The following KCNH8 variants were observed in gnomAD, a reference collection of about 807,000 sequenced individuals.
The protein encoded by KCNH8 is voltage-gated delayed rectifier potassium channel KCNH8.
In KCNH8, 70 loss-of-function variants were observed where a neutral mutation model predicts 103.6. The ratio of observed to expected loss-of-function variants is 0.68; its 90% confidence interval spans 0.56 to 0.82. The LOEUF is 0.82. KCNH8 is among the 40% of genes least tolerant of loss of function. The probability of loss-of-function intolerance (pLI) is 0.00; values close to 1 mark genes in which losing one functional copy is unlikely to be tolerated. For missense variants in KCNH8, 1,217 were observed against 1,329.9 expected (o/e 0.92, Z 1.32); for synonymous variants, 498 against 489.4 (o/e 1.02, Z -0.23).
intron 2 of KCNH8, among the ~76,000 whole-genome samples, chr3:19,273,000 C>CTGAA (rs1258750052): frequency 6.6e-6 from 1 of 152,142 alleles, no homozygotes; most frequent in African/African-American, 2.4e-5. Context: ...TAAATATCCA[C>CTGAA]TGAATGAATG....
intron 9 of KCNH8, 53 bp from the exon 10 acceptor site, chr3:19,451,102 C>T: frequency 6.3e-7 from 1 of 1,582,266 alleles, no homozygotes; most frequent in East Asian, 2.2e-5. Flanking sequence ...CAAAGTAAAT[C>T]AGTTAGACTA....
At chr3:19,426,799 C>G (rs569285661) in intron 7 of KCNH8, among the ~76,000 whole-genome samples, 2 of 152,090 alleles carry the variant, frequency 1.3e-5, no homozygotes, top group Non-Finnish European at 2.9e-5. Flanking sequence ...ACTTTTGAAT[C>G]AAAAATATCA....
chr3:19,454,188 G>A (rs2067495129), intron 10 of KCNH8, among the ~76,000 whole-genome samples: 1 of 134,778 alleles, frequency 7.4e-6, no homozygotes, highest in South Asian at 2.3e-4. Flanking sequence ...GTGTGTGTGT[G>A]TGTGTGTGTT....
At chr3:19,206,396 A>C (rs79284494) in intron 1 of KCNH8, among the ~76,000 whole-genome samples, 6,126 of 151,660 alleles carry the variant, frequency 0.04, 443 homozygotes, top group African/African-American at 0.14. Context: ...CAAAAGCATA[A>C]GGGGAAAGGC....
At chr3:19,150,046 C>T (rs1267397269) in intron 1 of KCNH8, among the ~76,000 whole-genome samples, 1 of 152,206 alleles carries the variant, frequency 6.6e-6, no homozygotes, top group Non-Finnish European at 1.5e-5. Context: ...CTAGTCTAAT[C>T]ATGGTAGTTG....
chr3:19,470,974 G>A (rs2067844123), intron 11 of KCNH8, among the ~76,000 whole-genome samples: 2 of 152,112 alleles, frequency 1.3e-5, no homozygotes, highest in African/African-American at 2.4e-5. Context: ...CAAAGAGCAC[G>A]ACATATACCC....
intron 10 of KCNH8, 36 bp from the exon 11 acceptor site, chr3:19,456,729 CTTT>C: frequency 9.0e-7 from 1 of 1,107,830 alleles, no homozygotes; most frequent in Non-Finnish European, 1.3e-6. Context: ...CCTAAGCTTG[CTTT>C]TTTTTTTTGA....
At chr3:19,482,038 G>C (rs2068096300) in intron 11 of KCNH8, among the ~76,000 whole-genome samples, 1 of 152,130 alleles carries the variant, frequency 6.6e-6, no homozygotes, top group South Asian at 2.1e-4. Context: ...AGCAATTCTT[G>C]TCCCTTTTAA....
At position 19,296,720 on chromosome 3, in the gene KCNH8, A is replaced by G. The variant is rs542057730; in HGVS notation, c.442+15391A>G. 1.5e-3 allele frequency among the ~76,000 whole-genome samples: 226 copies of G among 152,310 alleles called. 1 individual carries two copies. The highest frequency in any genetic ancestry group is 5.2e-3 in the African/African-American group (215 of 41,564). On this transcript the variant is annotated intron_variant, in intron 3 of 15. Coordinates refer to ENST00000328405, the MANE Select transcript of KCNH8 (RefSeq NM_144633.3). ...AAAGGGTGGGAAGAGAGTGAGGGATAAAAGACTACAAATTGGGTTCAGTGT... is the reference window on the plus strand; with the variant it reads ...AAAGGGTGGGAAGAGAGTGAGGGATGAAAGACTACAAATTGGGTTCAGTGT...
chr3:19,192,450 A>G (rs960653562), intron 1 of KCNH8, among the ~76,000 whole-genome samples: 5 of 151,498 alleles, frequency 3.3e-5, no homozygotes, highest in Non-Finnish European at 7.4e-5. Context: ...TTATCTTGGG[A>G]TTGTTTAAGG....
rs79071613 is a variant in KCNH8, at chr3:19,419,742, C to T, written c.1178-18422C>T. On this transcript the variant is annotated intron_variant, in intron 7 of 15. Transcript: ENST00000328405. ...TTTTAAAAAATGGTGGATTCACATCCTACTATATTTATCCATACTCCTATC... is the reference window on the plus strand; with the variant it reads ...TTTTAAAAAATGGTGGATTCACATCTTACTATATTTATCCATACTCCTATC... 3.4e-3 allele frequency among the ~76,000 whole-genome samples: 514 copies of T among 151,788 alleles called. 10 individuals are homozygous for T. The highest frequency in any genetic ancestry group is 0.027 in the Admixed American group (418 of 15,242).
intron 1 of KCNH8, among the ~76,000 whole-genome samples, chr3:19,149,682 A>C (rs536455147): frequency 2.6e-5 from 4 of 152,244 alleles, no homozygotes; most frequent in African/African-American, 9.6e-5. Flanking sequence ...AGGAGTCTGT[A>C]CTACCACCCC....
intron 1 of KCNH8, among the ~76,000 whole-genome samples, chr3:19,206,168 G>GTGTGTGTGTGTGTGTGTATA (rs979868166): frequency 1.7e-4 from 23 of 139,260 alleles, no homozygotes; most frequent in African/African-American, 6.3e-4. Context: ...TGGTGTGTGT[G>GTGTGTGTGTGTGTGTGTATA]TATATATATA....
chr3:19,532,933 C>T (rs78793008), intron 15 of KCNH8, among the ~76,000 whole-genome samples: 13,108 of 152,048 alleles, frequency 0.086, 1,284 homozygotes, highest in East Asian at 0.26. Flanking sequence ...ATTTCTTTTT[C>T]ATGGCTCACG....
At chr3:19,487,385 C>T (rs531668672) in intron 11 of KCNH8, among the ~76,000 whole-genome samples, 2 of 152,224 alleles carry the variant, frequency 1.3e-5, no homozygotes, top group African/African-American at 4.8e-5. Context: ...CTGCACTGGC[C>T]GGTAGTCCTT....
chr3:19,227,152 G>A lies in KCNH8; in HGVS notation c.77-26502G>A, dbSNP rs540673591. On this transcript the variant is annotated intron_variant, in intron 1 of 15. Coordinates refer to ENST00000328405, the MANE Select transcript of KCNH8 (RefSeq NM_144633.3). ...ATTACTCTTTGGGCACCTCAGTCTG[G>A]GTTTCCTTCTAATCTTGAAAACCAG... Among the ~76,000 whole-genome samples the A allele has an allele frequency of 1.1e-3, 163 of 152,208 alleles. 1 individual carries two copies. Among genetic ancestry groups the A allele is most frequent in the African/African-American group, 3.3e-3 (137 of 41,538 alleles).
At chr3:19,501,183 T>G (rs922892926) in intron 11 of KCNH8, among the ~76,000 whole-genome samples, 1 of 151,332 alleles carries the variant, frequency 6.6e-6, no homozygotes, top group African/African-American at 2.4e-5. Context: ...CTAGAAAAAA[T>G]GGATAAATTC....
chr3:19,299,215 T>A (rs1252522866), intron 3 of KCNH8, among the ~76,000 whole-genome samples: 1 of 152,196 alleles, frequency 6.6e-6, no homozygotes, highest in African/African-American at 2.4e-5. Context: ...TAAGAGTTTC[T>A]AGTCGCAATC....
intron 1 of KCNH8, among the ~76,000 whole-genome samples, chr3:19,172,359 AT>A (rs373457189): frequency 1.3e-5 from 2 of 152,040 alleles, no homozygotes; most frequent in Admixed American, 6.5e-5. Context: ...CTTTTTAATG[AT>A]TTTTTTCTCC....
Sources: gnomAD v4.1 joint callset for allele counts (sites outside exome capture counted in the v4.1 genomes callset) on GRCh38, gnomAD v4.1.1 for gene constraint, MANE v1.5 for transcripts, NCBI Gene and HGNC (gene_info 2026-07-23, HGNC 2026-07-21) for gene names.